The following HDAC9 variants were observed in gnomAD, a reference collection of about 807,000 sequenced individuals.
HDAC9 encodes the protein histone deacetylase 9, also known as MEF-2 interacting transcription repressor (MITR) protein.
A neutral mutation model predicts 139.4 loss-of-function variants in HDAC9; 41 were observed. The ratio of observed to expected loss-of-function variants is 0.29; its 90% confidence interval spans 0.23 to 0.38. The LOEUF (loss-of-function observed/expected upper bound fraction) is 0.38, where lower values mean the gene tolerates loss of function less well. Among genes scored for constraint, HDAC9 ranks in the 10% least tolerant of loss-of-function variants. The pLI is 1.00. For missense variants in HDAC9, 1,147 were observed against 1,297.0 expected (o/e 0.88, Z 1.78); for synonymous variants, 517 against 476.2 (o/e 1.09, Z -1.12).
intron 2 of HDAC9, among the ~76,000 whole-genome samples, chr7:18,221,964 A>T (rs886566403): frequency 1.3e-5 from 2 of 152,204 alleles, no homozygotes; most frequent in African/African-American, 4.8e-5. Flanking sequence ...ACCCTTCATT[A>T]ATGAAAAAAG....
chr7:18,297,429 C>T (rs1055601287), intron 1 of HDAC9, among the ~76,000 whole-genome samples: 6 of 152,208 alleles, frequency 3.9e-5, no homozygotes, highest in African/African-American at 1.4e-4. Context: ...CATGTGTCTG[C>T]ATTTCTCAGA....
At chr7:18,341,732 T>G (rs1782030360) in intron 1 of HDAC9, among the ~76,000 whole-genome samples, 1 of 151,834 alleles carries the variant, frequency 6.6e-6, no homozygotes, top group Admixed American at 6.6e-5. Flanking sequence ...TTTGATTGAT[T>G]AATTTTTCCT....
At chr7:18,924,060 G>A (rs1803994694) in intron 22 of HDAC9, among the ~76,000 whole-genome samples, 1 of 151,388 alleles carries the variant, frequency 6.6e-6, no homozygotes, top group Admixed American at 6.6e-5. Flanking sequence ...TAAAAATGGT[G>A]TAGGATCTTG....
chr7:18,460,316 A>G (rs1310443712), intron 1 of HDAC9, among the ~76,000 whole-genome samples: 2 of 152,196 alleles, frequency 1.3e-5, no homozygotes, highest in Non-Finnish European at 2.9e-5. Context: ...AATTATAGAG[A>G]GGAAACAAAT....
At chr7:18,087,243 T>G (rs941844793) in intron 1 of HDAC9, 3 of 152,416 alleles carry the variant, frequency 2.0e-5, no homozygotes, top group Admixed American at 6.5e-5. Context: ...AGTCCCCGGC[T>G]GGTGCTTGAG....
At chr7:18,453,756 A>G (rs1031675232) in intron 1 of HDAC9, among the ~76,000 whole-genome samples, 1 of 152,192 alleles carries the variant, frequency 6.6e-6, no homozygotes, top group African/African-American at 2.4e-5. Context: ...CAAATAAGTA[A>G]ATGTCAGATA....
intron 11 of HDAC9, among the ~76,000 whole-genome samples, chr7:18,663,915 C>G (rs1004908872): frequency 3.3e-5 from 5 of 152,116 alleles, no homozygotes; most frequent in African/African-American, 1.2e-4. Flanking sequence ...TAGTCTCTGT[C>G]CCTCTCTCTC....
At chr7:18,926,921 G>A (rs1247868430) in intron 22 of HDAC9, among the ~76,000 whole-genome samples, 1 of 152,024 alleles carries the variant, frequency 6.6e-6, no homozygotes, top group Non-Finnish European at 1.5e-5. Context: ...AGTATTTATA[G>A]GGCTGCTTGG....
rs1193396677 is a variant in HDAC9, at chr7:18,618,733, T to C, written c.665-10617T>C. On this transcript the variant is annotated intron_variant, in intron 6 of 25. Coordinates refer to ENST00000686413, the MANE Select transcript of HDAC9 (RefSeq NM_178425.4). ...TATCTAGTACAGAATTTTGTATATA[T>C]ATATATATATATATATATATATATA... is the stretch of plus-strand genomic sequence containing the variant. Among the ~76,000 whole-genome samples, 149 of 31,582 alleles carry C rather than the reference T, an allele frequency of 4.7e-3. 1 individual carries two copies. Among genetic ancestry groups the C allele is most frequent in the African/African-American group, 0.029 (144 of 4,886 alleles). 20.7% of individuals were successfully genotyped at this position (31,582 alleles called of 152,430 possible).
rs375661898 is a variant in HDAC9 at position 18,747,747 on chromosome 7, T to C, written c.1910-1258T>C. ...TAAGAATAGATATTATTTGGAATGG[T>C]AAAATTATATTCTTTTGTTAGACAT... On this transcript the variant is annotated intron_variant, in intron 13 of 25. Coordinates refer to ENST00000686413, the MANE Select transcript of HDAC9 (RefSeq NM_178425.4). Among the ~76,000 whole-genome samples the C allele has an allele frequency of 3.7e-4, 56 of 152,320 alleles. 1 individual carries two copies. The South Asian group carries it at 8.3e-3, about 23-fold the overall frequency.
intron 1 of HDAC9, among the ~76,000 whole-genome samples, chr7:18,112,550 A>G (rs891210791): frequency 3.3e-5 from 5 of 152,224 alleles, no homozygotes; most frequent in Admixed American, 1.3e-4. Flanking sequence ...TATTAATGCA[A>G]AAGAAAATAT....
chr7:18,421,858 G>A (rs2128752596), intron 1 of HDAC9, among the ~76,000 whole-genome samples: 1 of 152,310 alleles, frequency 6.6e-6, no homozygotes, highest in South Asian at 2.1e-4. Context: ...TGAAAGGCTG[G>A]TGGTTATTGT....
At chr7:18,492,649 C>A (rs1223047503), upstream of HDAC9, among the ~76,000 whole-genome samples, 5 of 151,872 alleles carry the variant, frequency 3.3e-5, no homozygotes, top group African/African-American at 4.8e-5. Context: ...ATCTACCTAG[C>A]CTGACATTTG....
chr7:18,977,858 T>C (rs904237253), intron 25 of HDAC9, among the ~76,000 whole-genome samples: 4 of 151,830 alleles, frequency 2.6e-5, no homozygotes, highest in African/African-American at 7.3e-5. Flanking sequence ...AGAATTCTTC[T>C]AGAACTGGCT....
At chr7:18,803,488 G>A (rs939040469) in intron 17 of HDAC9, among the ~76,000 whole-genome samples, 18 of 151,902 alleles carry the variant, frequency 1.2e-4, no homozygotes, top group Non-Finnish European at 2.4e-4. Flanking sequence ...CCTTACTGAC[G>A]GTTTCTCAGT....
Position 18,934,027 on chromosome 7 carries a change from C to T in HDAC9, c.2804-1782C>T, listed in dbSNP as rs575911359. On this transcript the variant is annotated intron_variant, in intron 22 of 25. Transcript: ENST00000686413. ...AGAACTTAGATCAAGGAAATATTTA[C>T]AGACAATGTCCACCTACATCTATGT... Among the ~76,000 whole-genome samples, 18 of 152,126 alleles carry T rather than the reference C, an allele frequency of 1.2e-4. No homozygotes were observed. The South Asian group carries it at 3.3e-3, about 28-fold the overall frequency.
At chr7:18,829,978 A>G (rs1795740963) in intron 19 of HDAC9, among the ~76,000 whole-genome samples, 1 of 152,342 alleles carries the variant, frequency 6.6e-6, no homozygotes, top group African/African-American at 2.4e-5. Flanking sequence ...TGGTATTATT[A>G]AAACAAGTCG....
chr7:18,210,997 G>C (rs1343764112), intron 2 of HDAC9, among the ~76,000 whole-genome samples: 1 of 152,146 alleles, frequency 6.6e-6, no homozygotes, highest in East Asian at 1.9e-4. Flanking sequence ...TGGTAAATAT[G>C]ACCACAGTTA....
intron 22 of HDAC9, among the ~76,000 whole-genome samples, chr7:18,876,885 A>G (rs1397877032): frequency 1.3e-5 from 2 of 151,888 alleles, no homozygotes; most frequent in Admixed American, 6.6e-5. Flanking sequence ...TATTTTTAGT[A>G]GAGACAGGGT....
Sources: gnomAD v4.1 joint callset for allele counts (sites outside exome capture counted in the v4.1 genomes callset) on GRCh38, gnomAD v4.1.1 for gene constraint, MANE v1.5 for transcripts, NCBI Gene and HGNC (gene_info 2026-07-23, HGNC 2026-07-21) for gene names.